The following WWOX variants were observed in gnomAD, a reference collection of about 807,000 sequenced individuals.
The protein encoded by WWOX is WW domain containing oxidoreductase.
Under a neutral mutation model 46.2 loss-of-function variants are expected in WWOX, and 69 were observed. The ratio of observed to expected loss-of-function variants is 1.49; its 90% CI spans 1.23 to 1.82. The LOEUF (loss-of-function observed/expected upper bound fraction) is 1.82, where lower values mean the gene tolerates loss of function less well. Among genes scored for constraint, WWOX ranks in the 40% most tolerant of loss-of-function variants. WWOX has a pLI of 0.00. For synonymous variants in WWOX, 359 were observed against 202.6 expected (o/e 1.77, Z -6.56); for missense variants, 919 against 542.6 (o/e 1.69, Z -6.89).
At chr16:78,712,887 C>G (rs1002721419) in intron 8 of WWOX, among the ~76,000 whole-genome samples, 2 of 151,980 alleles carry the variant, frequency 1.3e-5, no homozygotes, top group Admixed American at 1.3e-4. Flanking sequence ...TAATTAGGTT[C>G]TCTGTTTTGG....
At chr16:79,069,112 C>T (rs1028187235) in intron 8 of WWOX, among the ~76,000 whole-genome samples, 22 of 152,172 alleles carry the variant, frequency 1.4e-4, no homozygotes, top group African/African-American at 4.3e-4. Flanking sequence ...GAACTCCCCA[C>T]GTGTGACATC....
chr16:78,132,183 C>G (rs889758251), intron 4 of WWOX, among the ~76,000 whole-genome samples: 6 of 151,766 alleles, frequency 4.0e-5, no homozygotes, highest in African/African-American at 1.5e-4. Context: ...CGCCACCACG[C>G]CCGGCTAATT....
intron 4 of WWOX, among the ~76,000 whole-genome samples, chr16:78,153,484 A>G (rs776871943): frequency 2.2e-4 from 33 of 152,108 alleles, no homozygotes; most frequent in Non-Finnish European, 4.6e-4. Flanking sequence ...GAAAGACATT[A>G]GGCCTATCTT....
chr16:78,834,891 T>C (rs1226278668), intron 8 of WWOX, among the ~76,000 whole-genome samples: 1 of 152,210 alleles, frequency 6.6e-6, no homozygotes, highest in Non-Finnish European at 1.5e-5. Context: ...CTGTTTGTAA[T>C]AATCATGCGT....
At chr16:78,908,765 A>G (rs530400106) in intron 8 of WWOX, among the ~76,000 whole-genome samples, 1 of 152,114 alleles carries the variant, frequency 6.6e-6, no homozygotes, top group Non-Finnish European at 1.5e-5. Context: ...GGTGGGAGCC[A>G]CAAGACCATA....
chr16:79,197,292 C>T (rs1172384988), intron 8 of WWOX, among the ~76,000 whole-genome samples: 1 of 152,182 alleles, frequency 6.6e-6, no homozygotes, highest in South Asian at 2.1e-4. Context: ...AAAATTCTTA[C>T]AGCTGTATTC....
At chr16:78,248,517 C>T (rs1201087190) in intron 5 of WWOX, among the ~76,000 whole-genome samples, 1 of 152,150 alleles carries the variant, frequency 6.6e-6, no homozygotes, top group Non-Finnish European at 1.5e-5. Flanking sequence ...AGGTGGATTG[C>T]TTGAGCTCAG....
intron 5 of WWOX, among the ~76,000 whole-genome samples, chr16:78,260,936 CAA>C (rs35410839): frequency 3.8e-4 from 24 of 63,016 alleles, no homozygotes; most frequent in Middle Eastern, 0.015. Flanking sequence ...GACTCCATCT[CAA>C]AAAAAAAAAA....
At chr16:79,165,219 T>G (rs943510733) in intron 8 of WWOX, among the ~76,000 whole-genome samples, 1 of 151,930 alleles carries the variant, frequency 6.6e-6, no homozygotes, top group African/African-American at 2.4e-5. Flanking sequence ...ACAATGCTAG[T>G]GACCTCATAT....
At chr16:78,949,279 C>G (rs1030019678) in intron 8 of WWOX, among the ~76,000 whole-genome samples, 83 of 152,152 alleles carry the variant, frequency 5.5e-4, no homozygotes, top group African/African-American at 1.8e-3. Context: ...GACTTCCAAC[C>G]CACAGCAACT....
At chr16:78,906,945 C>T (rs914379103) in intron 8 of WWOX, among the ~76,000 whole-genome samples, 1 of 152,148 alleles carries the variant, frequency 6.6e-6, no homozygotes, top group Non-Finnish European at 1.5e-5. Flanking sequence ...AAGCTATTGG[C>T]AGGTGGTGAT....
intron 8 of WWOX, among the ~76,000 whole-genome samples, chr16:78,912,962 C>T (rs1468209023): frequency 6.6e-6 from 1 of 151,982 alleles, no homozygotes; most frequent in East Asian, 1.9e-4. Flanking sequence ...ATTCTGAGGG[C>T]TCCACAAAGA....
intron 8 of WWOX, chr16:79,203,600 C>T (rs905273279): frequency 1.3e-5 from 2 of 151,226 alleles, no homozygotes; most frequent in Non-Finnish European, 2.9e-5. Context: ...AAACAAACAG[C>T]TTGTTTGTGG....
intron 8 of WWOX, among the ~76,000 whole-genome samples, chr16:78,959,900 G>A (rs1241109098): frequency 2.6e-5 from 4 of 152,112 alleles, no homozygotes; most frequent in African/African-American, 9.7e-5. Flanking sequence ...ATACAGCCTG[G>A]GCATCAAGAG....
chr16:78,519,838 C>G (rs2043311464), intron 8 of WWOX, among the ~76,000 whole-genome samples: 1 of 152,164 alleles, frequency 6.6e-6, no homozygotes, highest in African/African-American at 2.4e-5. Context: ...TTCCAGCCCC[C>G]AGAACTGTGA....
At chr16:78,493,273 A>G (rs1288192130) in intron 8 of WWOX, among the ~76,000 whole-genome samples, 1 of 152,206 alleles carries the variant, frequency 6.6e-6, no homozygotes, top group Admixed American at 6.5e-5. Context: ...CAAATGTCCT[A>G]TGTTAAGAAT....
At chr16:79,118,099 C>T (rs899247299) in intron 8 of WWOX, among the ~76,000 whole-genome samples, 9 of 152,234 alleles carry the variant, frequency 5.9e-5, no homozygotes, top group African/African-American at 1.9e-4. Context: ...ACATGGCTTT[C>T]TCGTTAAGCT....
intron 8 of WWOX, among the ~76,000 whole-genome samples, chr16:78,675,158 G>T (rs2047562236): frequency 6.6e-6 from 1 of 152,100 alleles, no homozygotes; most frequent in Non-Finnish European, 1.5e-5. Flanking sequence ...CATCAAAATG[G>T]GTAGGATTAT....
chr16:78,109,862 C>G (rs367591877), intron 3 of WWOX, 27 bp downstream of exon 3: 530 of 1,613,674 alleles, frequency 3.3e-4, no homozygotes, highest in Non-Finnish European at 4.2e-4. Flanking sequence ...AAACCACTCT[C>G]AGCTGTTTTG....
Sources: gnomAD v4.1 joint callset for allele counts (sites outside exome capture counted in the v4.1 genomes callset) on GRCh38, gnomAD v4.1.1 for gene constraint, MANE v1.5 for transcripts, NCBI Gene and HGNC (gene_info 2026-07-23, HGNC 2026-07-21) for gene names.